The following GALNT17 variants were observed in gnomAD, a reference collection of about 807,000 sequenced individuals.
The protein encoded by GALNT17 is polypeptide N-acetylgalactosaminyltransferase 17, also known as UDP-GalNAc:polypeptide N-acetylgalactosaminyltransferase-like 3.
Under a neutral mutation model 63.7 loss-of-function variants are expected in GALNT17, and 29 were observed. The observed-to-expected ratio is 0.46, with a 90% CI of 0.34 to 0.62. The LOEUF is 0.62. GALNT17 is among the 20% of genes least tolerant of loss of function. The pLI, the probability that GALNT17 is intolerant of heterozygous loss-of-function variation, is 0.01. For synonymous variants in GALNT17, 305 were observed against 318.3 expected (o/e 0.96, Z 0.45); for missense variants, 603 against 799.6 (o/e 0.75, Z 2.97).
At chr7:71,451,850 A>G (rs1787267676) in intron 5 of GALNT17, among the ~76,000 whole-genome samples, 2 of 152,146 alleles carry the variant, frequency 1.3e-5, no homozygotes. Flanking sequence ...TTTTTTAAAT[A>G]TAAGCTTCTA....
At position 71,527,098 on chromosome 7, in the gene GALNT17, A is replaced by G. The variant is rs565631132; in HGVS notation, c.963-44187A>G. On this transcript the variant is annotated intron_variant, in intron 5 of 10. Transcript: ENST00000333538. Reference sequence around the variant, plus strand: ...TTTGTGTCTGGTCTGTATTGCATCTAGAAGGCATTCAGGCTGTTTTTGTTT... The same window carrying G: ...TTTGTGTCTGGTCTGTATTGCATCTGGAAGGCATTCAGGCTGTTTTTGTTT... 2.0e-5 allele frequency among the ~76,000 whole-genome samples: 3 copies of G among 152,316 alleles called. No homozygotes were observed. In the East Asian group the frequency reaches 5.8e-4, roughly 29 times the overall value.
At chr7:71,559,381 G>A (rs947828846) in intron 5 of GALNT17, among the ~76,000 whole-genome samples, 6 of 152,322 alleles carry the variant, frequency 3.9e-5, no homozygotes, top group African/African-American at 1.4e-4. Flanking sequence ...GCCAGTGTGA[G>A]ATGATCTGGT....
intron 6 of GALNT17, among the ~76,000 whole-genome samples, chr7:71,639,796 G>T (rs556342751): frequency 6.6e-6 from 1 of 152,190 alleles, no homozygotes; most frequent in East Asian, 1.9e-4. Flanking sequence ...GCAACTTGGA[G>T]ATTTCCATTA....
chr7:71,134,924 T>G (rs1002150035), intron 1 of GALNT17, among the ~76,000 whole-genome samples: 2 of 135,506 alleles, frequency 1.5e-5, no homozygotes, highest in Non-Finnish European at 3.1e-5. Flanking sequence ...CAATCATAGC[T>G]CACTGAAGCT....
intron 1 of GALNT17, among the ~76,000 whole-genome samples, chr7:71,332,554 A>G (rs1395169967): frequency 1.3e-5 from 2 of 151,978 alleles, no homozygotes; most frequent in Non-Finnish European, 2.9e-5. Flanking sequence ...AAATCGTTTT[A>G]TTGAGTGTTT....
chr7:71,204,254 T>G (rs1359881568), intron 1 of GALNT17, among the ~76,000 whole-genome samples: 1 of 152,144 alleles, frequency 6.6e-6, no homozygotes, highest in Non-Finnish European at 1.5e-5. Context: ...GTTCCACTGG[T>G]TGATGTCTGT....
At chr7:71,573,792 G>T (rs1192217633) in intron 6 of GALNT17, among the ~76,000 whole-genome samples, 2 of 152,150 alleles carry the variant, frequency 1.3e-5, no homozygotes, top group Non-Finnish European at 2.9e-5. Context: ...AGTAAGCATA[G>T]TACCTGATAG....
chr7:71,657,163 C>T (rs1225436196), intron 6 of GALNT17, among the ~76,000 whole-genome samples: 1 of 152,134 alleles, frequency 6.6e-6, no homozygotes, highest in Non-Finnish European at 1.5e-5. Context: ...GAACAGCTGC[C>T]TCACTGTTAG....
intron 5 of GALNT17, among the ~76,000 whole-genome samples, chr7:71,489,003 C>T (rs1188580423): frequency 7.0e-6 from 1 of 142,578 alleles, no homozygotes; most frequent in African/African-American, 2.6e-5. Context: ...AAGCGATTCT[C>T]CTGCCTCAGC....
intron 1 of GALNT17, among the ~76,000 whole-genome samples, chr7:71,264,059 T>C (rs73367999): frequency 0.11 from 16,301 of 152,218 alleles, 1,274 homozygotes; most frequent in East Asian, 0.31. Context: ...GAGCTACTGC[T>C]CTGGCACTTG....
At chr7:71,391,210 A>T (rs1345023076) in intron 3 of GALNT17, among the ~76,000 whole-genome samples, 1 of 152,180 alleles carries the variant, frequency 6.6e-6, no homozygotes, top group Non-Finnish European at 1.5e-5. Flanking sequence ...GCCCGGGGCT[A>T]GAACACCCAG....
intron 1 of GALNT17, among the ~76,000 whole-genome samples, chr7:71,298,487 TCGGGCATGGACGCGAGTCTTA>T (rs1225826789): frequency 6.6e-6 from 1 of 152,146 alleles, no homozygotes; most frequent in Non-Finnish European, 1.5e-5. Flanking sequence ...TGGTCCTAGC[TCGGGCATGGACGCGAGTCTTA>T]CACTGTGGCA....
chr7:71,335,128 ATATT>A (rs372106011), intron 1 of GALNT17, among the ~76,000 whole-genome samples: 1 of 151,732 alleles, frequency 6.6e-6, no homozygotes, highest in African/African-American at 2.4e-5. Context: ...GGATTCTTTT[ATATT>A]TATTTATTTA....
rs35227157 is a variant in GALNT17, at chr7:71,626,240, C to CAAA, written c.1081-39158_1081-39156dup. 1.4e-3 allele frequency among the ~76,000 whole-genome samples: 186 copies of CAAA among 136,614 alleles called. 2 individuals carry two copies. Among genetic ancestry groups the CAAA allele is most frequent in the African/African-American group, 3.4e-3 (121 of 35,432 alleles). The allele number at this position is 136,614 out of a possible 152,430, so 89.6% of individuals were successfully genotyped here. Reference sequence around the variant, plus strand: ...GCCTGGCAACAGAGCAAGATTCTGTCAAAAAAAAAAAAAAAGAAGGGACAC... The same window carrying CAAA: ...GCCTGGCAACAGAGCAAGATTCTGTCAAAAAAAAAAAAAAAAAAGAAGGGACAC... On this transcript the variant is annotated intron_variant, in intron 6 of 10. Transcript: ENST00000333538.
At chr7:71,672,798 G>A (rs558565463) in intron 8 of GALNT17, among the ~76,000 whole-genome samples, 14 of 152,094 alleles carry the variant, frequency 9.2e-5, no homozygotes, top group Non-Finnish European at 1.6e-4. Flanking sequence ...TGATCCACTC[G>A]CCTCAGCCTC....
intron 1 of GALNT17, among the ~76,000 whole-genome samples, chr7:71,170,106 G>T (rs1788519656): frequency 2.0e-5 from 3 of 151,922 alleles, no homozygotes; most frequent in Admixed American, 2.0e-4. Flanking sequence ...TGGATCTATT[G>T]TTTGTCTCTG....
At chr7:71,283,810 G>T (rs923078496) in intron 1 of GALNT17, among the ~76,000 whole-genome samples, 12 of 152,218 alleles carry the variant, frequency 7.9e-5, no homozygotes, top group Middle Eastern at 3.4e-3. Flanking sequence ...AAGCCAGCTG[G>T]ACTTCCTGGG....
rs1554338078 is a variant in GALNT17 at position 71,201,239 on chromosome 7, T to TATATA, written c.238+68199_238+68200insATATA. Among the ~76,000 whole-genome samples, 511 of 101,622 alleles carry TATATA rather than the reference T, an allele frequency of 5.0e-3. 11 individuals are homozygous for TATATA. Among genetic ancestry groups the TATATA allele is most frequent in the African/African-American group, 0.015 (390 of 26,216 alleles). 66.7% of individuals were successfully genotyped at this position (101,622 alleles called of 152,430 possible). A position where few individuals can be genotyped will look rare whatever the true frequency, so the allele number is the denominator to read the frequency against. On this transcript the variant is annotated intron_variant, in intron 1 of 10. Transcript: ENST00000333538. ...TTTGTATGGGGGTGTGTGTGTTTATTTTTATATATATATATATAATTTGTG... is the reference window on the plus strand; with the variant it reads ...TTTGTATGGGGGTGTGTGTGTTTATTATATATTTATATATATATATATAATTTGTG...
chr7:71,366,595 CAA>C (rs1792514959), intron 2 of GALNT17, among the ~76,000 whole-genome samples: 1 of 151,842 alleles, frequency 6.6e-6, no homozygotes, highest in African/African-American at 2.4e-5. Context: ...AACAAACAAA[CAA>C]GAAATCCTCT....
Sources: allele counts gnomAD v4.1 joint callset (sites outside exome capture counted in the v4.1 genomes callset), GRCh38; gene constraint gnomAD v4.1.1; transcripts MANE v1.5; gene names NCBI Gene and HGNC (gene_info 2026-07-23, HGNC 2026-07-21).